The following LRRIQ3 variants were observed in gnomAD, a reference collection of about 807,000 sequenced individuals.
The protein encoded by LRRIQ3 is leucine rich repeats and IQ motif containing 3.
A neutral mutation model predicts 59.3 loss-of-function variants in LRRIQ3; 75 were observed. The ratio of observed to expected loss-of-function variants is 1.26; its 90% confidence interval spans 1.05 to 1.53. The LOEUF (loss-of-function observed/expected upper bound fraction) is 1.53, where lower values mean the gene tolerates loss of function less well. LRRIQ3 is among the 40% of genes most tolerant of loss of function. The probability of loss-of-function intolerance (pLI) is 0.00; values close to 1 mark genes in which losing one functional copy is unlikely to be tolerated. For missense variants in LRRIQ3, 831 were observed against 710.0 expected (o/e 1.17, Z -1.94); for synonymous variants, 250 against 231.3 (o/e 1.08, Z -0.73).
intron 6 of LRRIQ3, among the ~76,000 whole-genome samples, chr1:74,061,292 C>G (rs752854571): frequency 1.3e-5 from 2 of 152,060 alleles, no homozygotes; most frequent in African/African-American, 2.4e-5. Context: ...ATGACACAAA[C>G]AAATGGAAAA....
intron 4 of LRRIQ3, among the ~76,000 whole-genome samples, chr1:74,155,028 T>A (rs1648237093): frequency 6.6e-6 from 1 of 152,234 alleles, no homozygotes; most frequent in Admixed American, 6.5e-5. Flanking sequence ...GAATGTTGAA[T>A]CTCATTTCAG....
intron 4 of LRRIQ3, among the ~76,000 whole-genome samples, chr1:74,110,309 C>T (rs966518876): frequency 6.6e-6 from 1 of 151,826 alleles, no homozygotes; most frequent in Non-Finnish European, 1.5e-5. Context: ...ACCAATCTCA[C>T]CTTTGAAACA....
intron 5 of LRRIQ3, among the ~76,000 whole-genome samples, chr1:74,099,316 T>A (rs1646496488): frequency 6.6e-6 from 1 of 152,076 alleles, no homozygotes; most frequent in Non-Finnish European, 1.5e-5. Flanking sequence ...AAGAAATGGA[T>A]AAATTCCTCG....
intron 6 of LRRIQ3, among the ~76,000 whole-genome samples, chr1:74,059,500 T>G (rs746023143): frequency 2.0e-5 from 3 of 152,078 alleles, no homozygotes; most frequent in Non-Finnish European, 4.4e-5. Context: ...AAGACTATTC[T>G]TTCCTCAATA....
intron 6 of LRRIQ3, among the ~76,000 whole-genome samples, chr1:74,060,193 T>C (rs1654667951): frequency 2.3e-5 from 1 of 43,308 alleles, no homozygotes; most frequent in Non-Finnish European, 5.8e-5. Context: ...TTCTTTTTCT[T>C]CTTCTTCTTC....
intron 3 of LRRIQ3, among the ~76,000 whole-genome samples, chr1:74,159,046 C>A (rs1272145439): frequency 1.3e-5 from 2 of 152,052 alleles, no homozygotes; most frequent in African/African-American, 4.8e-5. Context: ...TCAGACCATA[C>A]CACTTTTCTT....
chr1:74,152,859 C>A (rs892668547), intron 4 of LRRIQ3, among the ~76,000 whole-genome samples: 14 of 152,008 alleles, frequency 9.2e-5, no homozygotes, highest in Non-Finnish European at 1.5e-4. Context: ...TATTTACATG[C>A]GGTTTCATCT....
rs971376117 is a variant in LRRIQ3, at chr1:74,074,672, A to C, written c.986T>G (p.Leu329Arg). ...LGMKSKTSRH[L>R]IQKGQESEDE... ...TTCATATAACTAACCTTTTTGAATG[A>C]GATGTCTTGATGTTTTTGATTTCAT... Residue 329 changes from leucine to arginine, a missense_variant, in exon 6 of 8, where the codon CTC (leucine) becomes CGC (arginine). Physicochemically the swap from Leu to Arg is moderately radical, Grantham distance 102. Coordinates refer to ENST00000354431, the MANE Select transcript of LRRIQ3 (RefSeq NM_001105659.2). The C allele has an allele frequency of 7.4e-7, 1 of 1,354,708 alleles. No individual in the cohort carries two copies. Among genetic ancestry groups the C allele is most frequent in the Non-Finnish European group, 9.8e-7 (1 of 1,025,086 alleles). The allele number at this position is 1,354,708 out of a possible 1,614,324, so 83.9% of individuals were successfully genotyped here.
chr1:74,118,519 C>T (rs951082771), intron 4 of LRRIQ3, among the ~76,000 whole-genome samples: 8 of 152,040 alleles, frequency 5.3e-5, no homozygotes, highest in Non-Finnish European at 1.0e-4. Flanking sequence ...GACAGTATCT[C>T]TCTTGCTCTC....
chr1:74,082,177 C>T (rs1374119597), intron 5 of LRRIQ3: 1 of 151,340 alleles, frequency 6.6e-6, no homozygotes, highest in East Asian at 1.9e-4. Flanking sequence ...TCATAATTTA[C>T]TGATTATTTC....
chr1:74,058,966 C>G (rs549314065), intron 6 of LRRIQ3, among the ~76,000 whole-genome samples: 1 of 152,132 alleles, frequency 6.6e-6, no homozygotes, highest in African/African-American at 2.4e-5. Context: ...TTTGCCAACC[C>G]TTTGCACTGT....
rs939260596 is a variant in LRRIQ3 at position 74,155,252 on chromosome 1, C to G, written c.707+481G>C. ...TTGATGACAGAGTATCCTATCATAT[C>G]TCTGCAAGTACAATGTTGAGAAATT... On this transcript the variant is annotated intron_variant, in intron 4 of 7. Coordinates refer to ENST00000354431, the MANE Select transcript of LRRIQ3 (RefSeq NM_001105659.2). Among the ~76,000 whole-genome samples the G allele has an allele frequency of 1.3e-5, 2 of 152,146 alleles. 1 individual carries two copies.
chr1:74,160,929 T>C (rs906200028), intron 3 of LRRIQ3, among the ~76,000 whole-genome samples: 1 of 152,116 alleles, frequency 6.6e-6, no homozygotes, highest in Non-Finnish European at 1.5e-5. Flanking sequence ...TCAGGAAGAA[T>C]AGCTTAAAGT....
chr1:74,087,756 A>G (rs1471021182), intron 5 of LRRIQ3, among the ~76,000 whole-genome samples: 1 of 152,046 alleles, frequency 6.6e-6, no homozygotes, highest in East Asian at 1.9e-4. Flanking sequence ...TCATATTTGC[A>G]TTATACTGTG....
At chr1:74,102,536 C>T (rs13375495) in intron 5 of LRRIQ3, among the ~76,000 whole-genome samples, 240 of 152,022 alleles carry the variant, frequency 1.6e-3, no homozygotes, top group African/African-American at 5.6e-3. Flanking sequence ...TGCAAAATGA[C>T]GTAGCAGCTA....
At chr1:74,054,312 C>T (rs1055077344) in intron 6 of LRRIQ3, among the ~76,000 whole-genome samples, 9 of 151,742 alleles carry the variant, frequency 5.9e-5, no homozygotes, top group Non-Finnish European at 1.3e-4. Context: ...TACTGGTATA[C>T]AATATGTGTG....
chr1:74,034,147 T>C (rs752926835), intron 7 of LRRIQ3, among the ~76,000 whole-genome samples: 7 of 151,998 alleles, frequency 4.6e-5, no homozygotes, highest in African/African-American at 7.2e-5. Context: ...TCACTAGTTA[T>C]GGAAATTTAT....
chr1:74,196,378 C>G (rs1378864898), intron 1 of LRRIQ3, among the ~76,000 whole-genome samples: 1 of 152,164 alleles, frequency 6.6e-6, no homozygotes. Flanking sequence ...GACCTTCACT[C>G]CCTTGGGACC....
rs185634617 is a variant in LRRIQ3 at position 74,198,147 on chromosome 1, C to G, written c.-152G>C. 160 of 1,488,860 alleles carry G rather than the reference C, an allele frequency of 1.1e-4. No individual in the cohort carries two copies. The East Asian group carries it at 2.7e-3, about 25-fold the overall frequency. The allele number at this position is 1,488,860 out of a possible 1,614,324, so 92.2% of individuals were successfully genotyped here. A position where few individuals can be genotyped will look rare whatever the true frequency, so the allele number is the denominator to read the frequency against. On this transcript the variant is annotated 5_prime_UTR_variant, in exon 1 of 8. Coordinates refer to ENST00000354431, the MANE Select transcript of LRRIQ3 (RefSeq NM_001105659.2). ...GTTCTCCACATCATGGTTTTCCGGG[C>G]GCCAGCCAAGGCGCTCCGGGGGCGT... is the stretch of plus-strand genomic sequence containing the variant.
Sources: gnomAD v4.1 joint callset for allele counts (sites outside exome capture counted in the v4.1 genomes callset) on GRCh38, gnomAD v4.1.1 for gene constraint, MANE v1.5 for transcripts, NCBI Gene and HGNC (gene_info 2026-07-23, HGNC 2026-07-21) for gene names.